The following DPP10 variants were observed in gnomAD, a reference collection of about 807,000 sequenced individuals.
The protein encoded by DPP10 is inactive dipeptidyl peptidase 10.
In DPP10, 33 loss-of-function variants were observed where a neutral mutation model predicts 120.9. The observed-to-expected ratio is 0.27, with a 90% CI of 0.21 to 0.37. DPP10 has a LOEUF of 0.37. Among genes scored for constraint, DPP10 ranks in the 10% least tolerant of loss-of-function variants. The pLI is 1.00. For synonymous variants in DPP10, 337 were observed against 326.1 expected (o/e 1.03, Z -0.36); for missense variants, 816 against 942.8 (o/e 0.87, Z 1.76).
chr2:115,845,353 C>T lies in DPP10; in HGVS notation c.*3008C>T, dbSNP rs1488094897. On this transcript the variant is annotated 3_prime_UTR_variant, in exon 26 of 26. Transcript: ENST00000410059. ...ACTTTCACTTTCTGTTCTGGGGATT[C>T]TCTGATACTAATTTTGGCTACTTGG... 6.6e-5 allele frequency: 10 copies of T among 152,206 alleles called. No homozygotes were observed. The highest frequency in any genetic ancestry group is 2.4e-4 in the African/African-American group (10 of 41,450). The allele number at this position is 152,206 out of a possible 1,614,324, so 9.4% of individuals were successfully genotyped here.
chr2:114,499,540 A>G (rs1159434952), intron 1 of DPP10, among the ~76,000 whole-genome samples: 1 of 151,728 alleles, frequency 6.6e-6, no homozygotes, highest in Non-Finnish European at 1.5e-5. Flanking sequence ...CCATCTCCCA[A>G]TAAAATGTTA....
chr2:115,550,936 T>G (rs572220843), intron 5 of DPP10, among the ~76,000 whole-genome samples: 5 of 152,276 alleles, frequency 3.3e-5, no homozygotes, highest in African/African-American at 1.2e-4. Context: ...TTAATGCAAA[T>G]AATGACTAAA....
intron 7 of DPP10, among the ~76,000 whole-genome samples, chr2:115,724,379 T>G (rs1297679645): frequency 6.6e-6 from 1 of 152,226 alleles, no homozygotes; most frequent in African/African-American, 2.4e-5. Context: ...TCTTAAAGAC[T>G]TCTGCCCAGC....
At chr2:115,523,058 C>T (rs1031151231) in intron 4 of DPP10, among the ~76,000 whole-genome samples, 7 of 152,044 alleles carry the variant, frequency 4.6e-5, no homozygotes, top group Non-Finnish European at 5.9e-5. Context: ...GTTTCTTATT[C>T]GTGTATCATC....
intron 3 of DPP10, among the ~76,000 whole-genome samples, chr2:115,440,313 G>A (rs1419498129): frequency 6.6e-6 from 1 of 152,040 alleles, no homozygotes; most frequent in Non-Finnish European, 1.5e-5. Flanking sequence ...TCTTACATTG[G>A]TTTTCAGAAA....
intron 1 of DPP10, among the ~76,000 whole-genome samples, chr2:114,630,607 C>T (rs1694849267): frequency 6.6e-6 from 1 of 152,130 alleles, no homozygotes; most frequent in Non-Finnish European, 1.5e-5. Flanking sequence ...CCAACCACAT[C>T]CAGATTCCAA....
At chr2:115,793,644 G>A (rs17044976) in intron 19 of DPP10, among the ~76,000 whole-genome samples, 2,002 of 151,992 alleles carry the variant, frequency 0.013, 46 homozygotes, top group African/African-American at 0.043. Flanking sequence ...AAATAGTGCC[G>A]TCAGACCCAT....
chr2:114,865,133 T>C (rs955611471), intron 1 of DPP10, among the ~76,000 whole-genome samples: 1 of 152,192 alleles, frequency 6.6e-6, no homozygotes, highest in African/African-American at 2.4e-5. Flanking sequence ...CTAGTAAAGT[T>C]GTGCTGTGAT....
At chr2:115,748,369 C>G (rs969043664) in intron 10 of DPP10, among the ~76,000 whole-genome samples, 3 of 151,282 alleles carry the variant, frequency 2.0e-5, no homozygotes, top group Non-Finnish European at 4.4e-5. Flanking sequence ...TTTTTTAGTA[C>G]TTTTTTCCAC....
At chr2:115,125,067 A>G (rs1006196727) in intron 1 of DPP10, among the ~76,000 whole-genome samples, 1 of 152,166 alleles carries the variant, frequency 6.6e-6, no homozygotes, top group Non-Finnish European at 1.5e-5. Flanking sequence ...TCTATCTACC[A>G]TAACTGTGAA....
chr2:114,995,765 C>A (rs1414157490), intron 1 of DPP10, among the ~76,000 whole-genome samples: 3 of 152,134 alleles, frequency 2.0e-5, no homozygotes, highest in Non-Finnish European at 2.9e-5. Flanking sequence ...CACATTAGGT[C>A]TGGACAAAGT....
intron 3 of DPP10, among the ~76,000 whole-genome samples, chr2:115,402,875 ATGTG>A (rs1553584409): frequency 3.2e-5 from 4 of 125,244 alleles, no homozygotes; most frequent in African/African-American, 1.3e-4. Context: ...ATATATATAT[ATGTG>A]TGTGTGTGTG....
chr2:115,008,603 C>T (rs1400058874), intron 1 of DPP10, among the ~76,000 whole-genome samples: 1 of 103,836 alleles, frequency 9.6e-6, no homozygotes, highest in Non-Finnish European at 2.3e-5. Context: ...TAAAGAGCTT[C>T]TGCACAGCAA....
chr2:115,087,789 G>A (rs899784727), intron 1 of DPP10, among the ~76,000 whole-genome samples: 3 of 151,724 alleles, frequency 2.0e-5, no homozygotes, highest in Admixed American at 2.0e-4. Context: ...CATGACCTCA[G>A]GTCATCTGCC....
intron 1 of DPP10, among the ~76,000 whole-genome samples, chr2:114,646,195 T>TAAATAAATAAATAAAA (rs1438353730): frequency 6.9e-6 from 1 of 144,532 alleles, no homozygotes; most frequent in Non-Finnish European, 1.5e-5. Context: ...AATAAATAAA[T>TAAATAAATAAATAAAA]AAAAAGGGGG....
chr2:115,831,353 A>G (rs989611281), intron 21 of DPP10, among the ~76,000 whole-genome samples: 46 of 152,110 alleles, frequency 3.0e-4, no homozygotes, highest in African/African-American at 9.9e-4. Flanking sequence ...GGTTCAAGCA[A>G]TTCTCCTGCC....
intron 19 of DPP10, among the ~76,000 whole-genome samples, chr2:115,797,073 T>C (rs919547059): frequency 6.6e-6 from 1 of 152,090 alleles, no homozygotes; most frequent in African/African-American, 2.4e-5. Flanking sequence ...TGAACTTTTC[T>C]TCTTTCCACT....
chr2:115,467,443 G>A (rs1189588952), intron 3 of DPP10, among the ~76,000 whole-genome samples: 1 of 151,936 alleles, frequency 6.6e-6, no homozygotes, highest in East Asian at 1.9e-4. Flanking sequence ...TGGGTGTGGT[G>A]GTGGGCACTT....
intron 7 of DPP10, among the ~76,000 whole-genome samples, chr2:115,710,848 G>C (rs1217127682): frequency 1.3e-5 from 2 of 151,882 alleles, no homozygotes; most frequent in East Asian, 1.9e-4. Flanking sequence ...GTGTTTTGTT[G>C]GTAGCCTGTG....
Sources: allele counts gnomAD v4.1 joint callset (sites outside exome capture counted in the v4.1 genomes callset), GRCh38; gene constraint gnomAD v4.1.1; transcripts MANE v1.5; gene names NCBI Gene and HGNC (gene_info 2026-07-23, HGNC 2026-07-21).